Variants in NDUFAF2 observed in about 807,000 individuals in gnomAD.
NDUFAF2 encodes NADH:ubiquinone oxidoreductase complex assembly factor 2, also known as NADH dehydrogenase [ubiquinone] 1 alpha subcomplex assembly factor 2.
A neutral mutation model predicts 22.8 loss-of-function variants in NDUFAF2; 13 were observed. That is an observed-to-expected ratio of 0.57 (90% CI 0.37 to 0.91). The LOEUF is 0.91. Among genes scored for constraint, NDUFAF2 ranks in the 40% least tolerant of loss-of-function variants. The pLI is 0.01. For missense variants in NDUFAF2, 162 were observed against 195.2 expected (o/e 0.83, Z 1.01); for synonymous variants, 53 against 64.2 (o/e 0.83, Z 0.84).
intron 1 of NDUFAF2, among the ~76,000 whole-genome samples, chr5:61,050,204 T>C (rs1056888520): frequency 1.3e-5 from 2 of 152,056 alleles, no homozygotes; most frequent in Non-Finnish European, 2.9e-5. Flanking sequence ...TGCACAAGGG[T>C]TCCAGTTTCT....
intron 1 of NDUFAF2, among the ~76,000 whole-genome samples, chr5:60,948,751 T>A (rs1750500440): frequency 6.6e-6 from 1 of 152,216 alleles, no homozygotes; most frequent in Non-Finnish European, 1.5e-5. Context: ...TACAAATAAA[T>A]TATGAACATT....
intron 1 of NDUFAF2, among the ~76,000 whole-genome samples, chr5:60,953,033 A>C (rs1360076917): frequency 6.6e-6 from 1 of 152,164 alleles, no homozygotes; most frequent in Non-Finnish European, 1.5e-5. Context: ...GGTAAAGGTC[A>C]TTTTGCAGGT....
At chr5:60,959,755 G>T (rs1308585989) in intron 1 of NDUFAF2, among the ~76,000 whole-genome samples, 1 of 152,064 alleles carries the variant, frequency 6.6e-6, no homozygotes, top group African/African-American at 2.4e-5. Flanking sequence ...GGTTGTCTCA[G>T]AGTTGTTTGA....
chr5:61,101,617 T>G (rs1752706468), intron 3 of NDUFAF2, among the ~76,000 whole-genome samples: 1 of 152,000 alleles, frequency 6.6e-6, no homozygotes, highest in Non-Finnish European at 1.5e-5. Context: ...AGAAACTAGA[T>G]TTTTTTTCCA....
At chr5:61,032,007 T>C (rs1476079945) in intron 1 of NDUFAF2, among the ~76,000 whole-genome samples, 1 of 152,250 alleles carries the variant, frequency 6.6e-6, no homozygotes, top group East Asian at 1.9e-4. Context: ...ATATGTTTGT[T>C]GGCTGCATAA....
intron 1 of NDUFAF2, among the ~76,000 whole-genome samples, chr5:61,040,286 A>ACACACACACACACGCGCGCG (rs1491193758): frequency 1.1e-5 from 1 of 93,072 alleles, no homozygotes; most frequent in African/African-American, 4.3e-5. Context: ...ACACACACAC[A>ACACACACACACACGCGCGCG]CGCGCGCGCG....
chr5:60,977,883 C>T lies in NDUFAF2; in HGVS notation c.127+32501C>T, dbSNP rs1580076197. Among the ~76,000 whole-genome samples the T allele has an allele frequency of 3.3e-5, 5 of 151,528 alleles. No homozygotes were observed. The South Asian group carries it at 1.0e-3, about 32-fold the overall frequency. On this transcript the variant is annotated intron_variant, in intron 1 of 3. Transcript: ENST00000296597. ...GAAGCCACCAGCAGTCATCCAGTCA[C>T]CTCCTTCTGGGAACACCAGATTGAA...
chr5:60,987,386 T>G (rs540975729), intron 1 of NDUFAF2, among the ~76,000 whole-genome samples: 181 of 152,294 alleles, frequency 1.2e-3, no homozygotes, highest in African/African-American at 4.2e-3. Flanking sequence ...ACTGAAGATA[T>G]TCCAAAAAAT....
intron 1 of NDUFAF2, among the ~76,000 whole-genome samples, chr5:61,016,349 G>A (rs1034808220): frequency 6.6e-6 from 1 of 152,130 alleles, no homozygotes; most frequent in Non-Finnish European, 1.5e-5. Flanking sequence ...GCAAAAGACT[G>A]AAATTACAAA....
chr5:61,040,338 A>G (rs1179960859), intron 1 of NDUFAF2, among the ~76,000 whole-genome samples: 1 of 151,730 alleles, frequency 6.6e-6, no homozygotes, highest in East Asian at 1.9e-4. Context: ...ATGCAGCTAC[A>G]AGCCAAGGAA....
intron 3 of NDUFAF2, among the ~76,000 whole-genome samples, chr5:61,140,420 G>A (rs778128498): frequency 1.3e-5 from 2 of 152,032 alleles, no homozygotes; most frequent in African/African-American, 2.4e-5. Context: ...TTCTATAGTT[G>A]CCAGAGTCAT....
chr5:61,004,490 G>A (rs1024188259), intron 1 of NDUFAF2, among the ~76,000 whole-genome samples: 1 of 152,054 alleles, frequency 6.6e-6, no homozygotes, highest in Admixed American at 6.6e-5. Flanking sequence ...GGGAATAAAA[G>A]AGCATTCTTG....
chr5:61,024,798 T>A (rs1213761284), intron 1 of NDUFAF2, among the ~76,000 whole-genome samples: 1 of 152,130 alleles, frequency 6.6e-6, no homozygotes. Flanking sequence ...TTTTATTATT[T>A]AAAAAATAAA....
chr5:60,945,572 C>G, intron 1 of NDUFAF2, 190 bp downstream of exon 1: 2 of 888,868 alleles, frequency 2.3e-6, no homozygotes, highest in South Asian at 1.6e-5. Context: ...CGGCCCGGCT[C>G]TGGGCGCCTT....
chr5:61,034,391 G>C (rs1041329610), intron 1 of NDUFAF2, among the ~76,000 whole-genome samples: 4 of 152,136 alleles, frequency 2.6e-5, no homozygotes. Context: ...TGTTGCCCCT[G>C]TACAACGTGA....
intron 1 of NDUFAF2, among the ~76,000 whole-genome samples, chr5:61,047,326 C>T (rs1050087315): frequency 6.6e-6 from 1 of 151,894 alleles, no homozygotes; most frequent in Non-Finnish European, 1.5e-5. Flanking sequence ...AACTGAGGCA[C>T]AGGGAAGTTA....
At chr5:61,052,863 GGC>G (rs1752042639) in intron 1 of NDUFAF2, among the ~76,000 whole-genome samples, 1 of 152,092 alleles carries the variant, frequency 6.6e-6, no homozygotes, top group Admixed American at 6.6e-5. Flanking sequence ...TTGTTGATTT[GGC>G]TTTATTCAGG....
intron 1 of NDUFAF2, among the ~76,000 whole-genome samples, chr5:61,026,791 T>G (rs929014585): frequency 6.6e-6 from 1 of 152,040 alleles, no homozygotes; most frequent in African/African-American, 2.4e-5. Context: ...TGGTGGGTTT[T>G]TTATTTTTAG....
At chr5:60,953,314 CAATATCTTT>C (rs1750572256) in intron 1 of NDUFAF2, among the ~76,000 whole-genome samples, 2 of 151,946 alleles carry the variant, frequency 1.3e-5, no homozygotes, top group African/African-American at 2.4e-5. Flanking sequence ...GACAGTGGAA[CAATATCTTT>C]AAAGTACCAA....
Sources: gnomAD v4.1 joint callset for allele counts (sites outside exome capture counted in the v4.1 genomes callset) on GRCh38, gnomAD v4.1.1 for gene constraint, MANE v1.5 for transcripts, NCBI Gene and HGNC (gene_info 2026-07-23, HGNC 2026-07-21) for gene names.